Variants in ETS1 observed in about 807,000 individuals in gnomAD.
ETS1 encodes ETS proto-oncogene 1, transcription factor.
A neutral mutation model predicts 58.6 loss-of-function variants in ETS1; 15 were observed. The ratio of observed to expected loss-of-function variants is 0.26; its 90% confidence interval spans 0.17 to 0.39. The LOEUF is 0.39. Ranked by LOEUF, ETS1 falls within the 10% of genes least tolerant of loss-of-function variation. The probability of loss-of-function intolerance (pLI) is 1.00; values close to 1 mark genes in which losing one functional copy is unlikely to be tolerated. For missense variants in ETS1, 417 were observed against 610.5 expected (o/e 0.68, Z 3.34); for synonymous variants, 214 against 218.2 (o/e 0.98, Z 0.17).
intron 3 of ETS1, among the ~76,000 whole-genome samples, chr11:128,500,884 G>A (rs886533235): frequency 1.3e-5 from 2 of 152,142 alleles, no homozygotes; most frequent in African/African-American, 4.8e-5. Flanking sequence ...TACTTCCCCA[G>A]AAGTCTTCTC....
chr11:128,503,853 C>A (rs1222126365), intron 3 of ETS1, among the ~76,000 whole-genome samples: 1 of 152,166 alleles, frequency 6.6e-6, no homozygotes, highest in Admixed American at 6.5e-5. Context: ...GAAATCCCCA[C>A]CCTGAGCATG....
chr11:128,481,981 A>T (rs955345019), intron 7 of ETS1, among the ~76,000 whole-genome samples: 3 of 152,214 alleles, frequency 2.0e-5, no homozygotes, highest in South Asian at 4.2e-4. Flanking sequence ...TCCTCCACTC[A>T]TCCATTCAGA....
chr11:128,460,978 C>T lies in ETS1; in HGVS notation c.*1383G>A, dbSNP rs1861891512. Reference sequence around the variant, plus strand: ...AAATTCTTCAAAGGAAAGCCTTGCACTTCTCTTCCAAAGACAGCCAAGTCA... The same window carrying T: ...AAATTCTTCAAAGGAAAGCCTTGCATTTCTCTTCCAAAGACAGCCAAGTCA... On this transcript the variant is annotated 3_prime_UTR_variant, in exon 10 of 10. Coordinates refer to ENST00000392668, the MANE Select transcript of ETS1 (RefSeq NM_001143820.2). 6.6e-6 allele frequency: 1 copy of T among 152,334 alleles called. No individual in the cohort carries two copies. The highest frequency in any genetic ancestry group is 1.5e-5 in the Non-Finnish European group (1 of 68,040). 9.4% of individuals were successfully genotyped at this position (152,334 alleles called of 1,614,324 possible).
intron 8 of ETS1, among the ~76,000 whole-genome samples, chr11:128,478,552 T>A (rs1862398198): frequency 6.6e-6 from 1 of 152,144 alleles, no homozygotes; most frequent in African/African-American, 2.4e-5. Context: ...AGAGCATAGT[T>A]TTCTCTGCAC....
In ETS1 at chr11:128,463,679, G is replaced by A. The variant is rs766726262; in HGVS notation, c.1124-52C>T. The A allele has an allele frequency of 1.7e-5, 17 of 1,004,734 alleles. No homozygotes were observed. The highest frequency in any genetic ancestry group is 3.8e-5 in the South Asian group (3 of 78,348). 62.2% of individuals were successfully genotyped at this position (1,004,734 alleles called of 1,614,324 possible). A position where few individuals can be genotyped will look rare whatever the true frequency, so the allele number is the denominator to read the frequency against. ...TTACACCAGATATTCAGCACTCTACGCAGCTAATCCCCACACACGGCACTC... is the reference window on the plus strand; with the variant it reads ...TTACACCAGATATTCAGCACTCTACACAGCTAATCCCCACACACGGCACTC... On this transcript the variant is annotated intron_variant, in intron 8 of 9. Coordinates refer to ENST00000392668, the MANE Select transcript of ETS1 (RefSeq NM_001143820.2). This position sits in a 1 kb window ranked among gnomAD's most constrained non-coding sequence, Gnocchi z 4.1.
rs980443092 is a variant in ETS1, at chr11:128,482,062, G to A, written c.863-1611C>T. Among the ~76,000 whole-genome samples, 3 of 152,076 alleles carry A rather than the reference G, an allele frequency of 2.0e-5. No individual in the cohort carries two copies. The South Asian group carries it at 6.2e-4, about 31-fold the overall frequency. Reference sequence around the variant, plus strand: ...TCAGCCCTGCCCACCCAGTCCACTAGCAAAAGGGCACCTCTTCATTCTTAC... The same window carrying A: ...TCAGCCCTGCCCACCCAGTCCACTAACAAAAGGGCACCTCTTCATTCTTAC... On this transcript the variant is annotated intron_variant, in intron 7 of 9. Transcript: ENST00000392668.
At chr11:128,483,602 G>A (rs1382185695) in intron 7 of ETS1, among the ~76,000 whole-genome samples, 1 of 152,206 alleles carries the variant, frequency 6.6e-6, no homozygotes, top group East Asian at 1.9e-4. Context: ...AACACCCTGG[G>A]GCCTTAAGAA....
intron 3 of ETS1, among the ~76,000 whole-genome samples, chr11:128,529,356 G>C (rs1366989059): frequency 6.6e-6 from 1 of 152,152 alleles, no homozygotes; most frequent in Non-Finnish European, 1.5e-5. Context: ...ACATGGGGAT[G>C]GGCTGAGAGT....
At chr11:128,477,210 GT>G (rs1441906449) in intron 8 of ETS1, among the ~76,000 whole-genome samples, 1 of 152,208 alleles carries the variant, frequency 6.6e-6, no homozygotes, top group Admixed American at 6.5e-5. Flanking sequence ...CCAAGTAATA[GT>G]GACATAGAGC....
chr11:128,501,531 C>T (rs895240887), intron 3 of ETS1, among the ~76,000 whole-genome samples: 2 of 152,222 alleles, frequency 1.3e-5, no homozygotes. Flanking sequence ...TGAATCTGTG[C>T]TCATCCTATT....
chr11:128,582,861 C>A (rs959694440), intron 1 of ETS1, among the ~76,000 whole-genome samples: 2 of 151,950 alleles, frequency 1.3e-5, no homozygotes, highest in African/African-American at 4.8e-5. Context: ...TAATGTCGAT[C>A]TTTTGTGGAC....
chr11:128,508,823 G>A (rs1425770479), intron 3 of ETS1, among the ~76,000 whole-genome samples: 1 of 152,174 alleles, frequency 6.6e-6, no homozygotes, highest in Non-Finnish European at 1.5e-5. Flanking sequence ...AGCCTAGTGT[G>A]TATTCTGCAC....
At chr11:128,519,692 T>G (rs533233930) in intron 3 of ETS1, among the ~76,000 whole-genome samples, 2 of 152,350 alleles carry the variant, frequency 1.3e-5, no homozygotes, top group Non-Finnish European at 2.9e-5. Context: ...TTGGAAGGTA[T>G]CTTGCAACAT....
chr11:128,560,213 A>G (rs775384599), intron 2 of ETS1, among the ~76,000 whole-genome samples: 1 of 152,166 alleles, frequency 6.6e-6, no homozygotes, highest in Admixed American at 6.5e-5. Context: ...CCTGGCATCA[A>G]GTGATTCTCC....
At chr11:128,570,026 T>C (rs1157144219) in intron 2 of ETS1, among the ~76,000 whole-genome samples, 1 of 152,194 alleles carries the variant, frequency 6.6e-6, no homozygotes, top group Admixed American at 6.5e-5. Flanking sequence ...ATCCAGGGTG[T>C]TCAATTGCAG....
intron 3 of ETS1, among the ~76,000 whole-genome samples, chr11:128,531,592 C>T (rs752648144): frequency 6.6e-6 from 1 of 152,172 alleles, no homozygotes; most frequent in Non-Finnish European, 1.5e-5. Context: ...TTGACACCAT[C>T]CCTCTTGGAT....
intron 3 of ETS1, chr11:128,536,691 T>G (rs1024641490): frequency 6.6e-6 from 1 of 152,200 alleles, no homozygotes; most frequent in African/African-American, 2.4e-5. Context: ...TGGAATTGGT[T>G]GAAGGGAGCA....
chr11:128,566,882 C>T (rs1864513982), intron 2 of ETS1, among the ~76,000 whole-genome samples: 1 of 152,012 alleles, frequency 6.6e-6, no homozygotes, highest in Admixed American at 6.6e-5. Flanking sequence ...TTGGCTGGGA[C>T]CCATTCCACA....
intron 3 of ETS1, among the ~76,000 whole-genome samples, chr11:128,499,209 T>C (rs1024739692): frequency 5.3e-5 from 8 of 152,230 alleles, no homozygotes; most frequent in African/African-American, 1.7e-4. Context: ...TACATCTTGC[T>C]ATAATCCCAG....
Sources: gnomAD v4.1 joint callset for allele counts (sites outside exome capture counted in the v4.1 genomes callset) on GRCh38, gnomAD v4.1.1 for gene constraint, Gnocchi (gnomAD v3.1) non-coding constraint, MANE v1.5 for transcripts, NCBI Gene and HGNC (gene_info 2026-07-23, HGNC 2026-07-21) for gene names.